Variants in HOOK3 observed in about 807,000 individuals in gnomAD.
HOOK3 encodes the protein protein Hook homolog 3.
A neutral mutation model predicts 116.3 loss-of-function variants in HOOK3; 24 were observed. The ratio of observed to expected loss-of-function variants is 0.21; its 90% CI spans 0.15 to 0.29. The LOEUF (loss-of-function observed/expected upper bound fraction) is 0.29. Ranked by LOEUF, HOOK3 falls within the 10% of genes least tolerant of loss-of-function variation. The probability of loss-of-function intolerance (pLI) is 1.00; values close to 1 mark genes in which losing one functional copy is unlikely to be tolerated. For missense variants in HOOK3, 632 were observed against 830.2 expected, an observed-to-expected ratio of 0.76 and a Z score of 2.93; for synonymous variants, 275 against 283.0, an observed-to-expected ratio of 0.97 and a Z score of 0.28.
chr8:43,026,752 A>C lies in HOOK3; in HGVS notation c.*8254A>C, dbSNP rs1339937890. The C allele has an allele frequency of 8.8e-6, 2 of 228,474 alleles. No homozygotes were observed. The highest frequency in any genetic ancestry group is 1.7e-5 in the Non-Finnish European group (2 of 114,982). 14.2% of individuals were successfully genotyped at this position (228,474 alleles called of 1,614,324 possible). ...GGAAAGCCAAGTTCTGGGAGCTGTC[A>C]AGTCGGAGGATCAGGAAAATGGTGG... is the stretch of plus-strand genomic sequence containing the variant. On this transcript the variant is annotated 3_prime_UTR_variant, in exon 22 of 22. Transcript: ENST00000307602.
chr8:42,997,694 CTTTTATT>C (rs1365828351), intron 16 of HOOK3, 57 bp downstream of exon 16: 2 of 955,502 alleles, frequency 2.1e-6, no homozygotes, highest in Non-Finnish European at 3.4e-6. Context: ...TGAGAAATAA[CTTTTATT>C]TTTTATTTGA....
At chr8:42,941,297 C>T (rs1242583614) in intron 4 of HOOK3, among the ~76,000 whole-genome samples, 1 of 148,944 alleles carries the variant, frequency 6.7e-6, no homozygotes. Context: ...GGGCGGATCA[C>T]GAGGTCAGGA....
intron 11 of HOOK3, among the ~76,000 whole-genome samples, chr8:42,971,374 C>T (rs1808725137): frequency 6.6e-6 from 1 of 152,098 alleles, no homozygotes; most frequent in African/African-American, 2.4e-5. Context: ...TCAAGCGATT[C>T]TCCTGCCTCA....
In HOOK3 at chr8:42,909,544, G is replaced by T. The variant is rs549254342; in HGVS notation, c.143+3286G>T. Among the ~76,000 whole-genome samples the T allele has an allele frequency of 3.9e-5, 6 of 152,320 alleles. No individual in the cohort carries two copies. The East Asian group carries it at 1.2e-3, about 29-fold the overall frequency. ...AGTGGATTGACCAGGGCTCACTGCAGCCTCAAACTCCCAGGCTCAGATGAT... is the reference window on the plus strand; with the variant it reads ...AGTGGATTGACCAGGGCTCACTGCATCCTCAAACTCCCAGGCTCAGATGAT... On this transcript the variant is annotated intron_variant, in intron 2 of 21. Transcript: ENST00000307602.
At chr8:42,938,785 A>G (rs1471794662) in intron 4 of HOOK3, among the ~76,000 whole-genome samples, 1 of 152,014 alleles carries the variant, frequency 6.6e-6, no homozygotes, top group Admixed American at 6.6e-5. Flanking sequence ...GCAGGGTCAC[A>G]GGACAATAGT....
rs915366823 is a variant in HOOK3 at position 43,021,525 on chromosome 8, A to G, written c.*3027A>G. 5.8e-6 allele frequency: 1 copy of G among 171,724 alleles called. No individual in the cohort carries two copies. Among genetic ancestry groups the G allele is most frequent in the Admixed American group, 6.4e-5 (1 of 15,532 alleles). The allele number at this position is 171,724 out of a possible 1,614,324, so 10.6% of individuals were successfully genotyped here. ...ACCATGTTGGCCAGGCTGGTCTCAA[A>G]CTCCTGACCTCGTGATCTACCCACC... On this transcript the variant is annotated 3_prime_UTR_variant, in exon 22 of 22. Coordinates refer to ENST00000307602, the MANE Select transcript of HOOK3 (RefSeq NM_032410.4).
intron 16 of HOOK3, chr8:42,998,032 G>A (rs1586627800): frequency 8.1e-6 from 2 of 246,948 alleles, no homozygotes; most frequent in Non-Finnish European, 1.6e-5. Flanking sequence ...AAATACTGCC[G>A]TCCCTAGTAT....
chr8:42,958,310 T>G (rs1808472251), intron 7 of HOOK3, among the ~76,000 whole-genome samples: 1 of 152,162 alleles, frequency 6.6e-6, no homozygotes, highest in African/African-American at 2.4e-5. Flanking sequence ...AACCCAAGCT[T>G]TAATTTTTTT....
intron 3 of HOOK3, among the ~76,000 whole-genome samples, chr8:42,927,517 A>G (rs1481138447): frequency 6.6e-6 from 1 of 152,098 alleles, no homozygotes; most frequent in African/African-American, 2.4e-5. Flanking sequence ...TGGCCTCCCA[A>G]AGTGCTGGGT....
At chr8:42,923,270 T>C (rs2130353569) in intron 2 of HOOK3, among the ~76,000 whole-genome samples, 1 of 152,304 alleles carries the variant, frequency 6.6e-6, no homozygotes, top group South Asian at 2.1e-4. Flanking sequence ...ATATAGCTGC[T>C]TTGGAAGAGT....
intron 2 of HOOK3, among the ~76,000 whole-genome samples, chr8:42,923,899 A>G (rs1339024260): frequency 6.6e-6 from 1 of 152,234 alleles, no homozygotes; most frequent in Non-Finnish European, 1.5e-5. Flanking sequence ...AAAAATAATC[A>G]TAACAGATTT....
intron 13 of HOOK3, among the ~76,000 whole-genome samples, chr8:42,981,972 G>A (rs970991292): frequency 6.6e-6 from 1 of 151,108 alleles, no homozygotes; most frequent in African/African-American, 2.4e-5. Context: ...TAAAAAGTAA[G>A]GCTGGGCACA....
intron 3 of HOOK3, among the ~76,000 whole-genome samples, chr8:42,927,962 C>T (rs946543009): frequency 5.9e-5 from 9 of 152,214 alleles, no homozygotes; most frequent in Middle Eastern, 3.4e-3. Flanking sequence ...GCCTGGCCAA[C>T]ATGGTGAATC....
intron 4 of HOOK3, among the ~76,000 whole-genome samples, chr8:42,930,437 C>T (rs1807851866): frequency 6.6e-6 from 1 of 152,038 alleles, no homozygotes; most frequent in South Asian, 2.1e-4. Flanking sequence ...TTAATTCTGT[C>T]TTTTTTCCTT....
chr8:42,992,539 A>G (rs937612668), intron 15 of HOOK3, among the ~76,000 whole-genome samples: 2 of 151,298 alleles, frequency 1.3e-5, no homozygotes, highest in Non-Finnish European at 2.9e-5. Context: ...AACATGGTGA[A>G]ACCCCGTCTC....
chr8:43,015,594 T>G lies in HOOK3; in HGVS notation c.2016+2194T>G, dbSNP rs79467040. The stretch of plus-strand genomic sequence containing the variant: ...GAAATAGAAAAAATAAAACTATATA[T>G]TTAAAGAAATTCTCTGGGAATTAGT... On this transcript the variant is annotated intron_variant, in intron 21 of 21. Coordinates refer to ENST00000307602, the MANE Select transcript of HOOK3 (RefSeq NM_032410.4). 3.1e-3 allele frequency among the ~76,000 whole-genome samples: 472 copies of G among 152,346 alleles called. 3 individuals are homozygous for G. Among genetic ancestry groups the G allele is most frequent in the Middle Eastern group, 6.8e-3 (2 of 294 alleles).
At chr8:42,964,584 T>A in intron 9 of HOOK3, 110 bp downstream of exon 9, 1 of 971,556 alleles carries the variant, frequency 1.0e-6, no homozygotes, top group Non-Finnish European at 1.5e-6. Context: ...CCCAGCACTT[T>A]GGGAGGCTGA....
Position 42,957,151 on chromosome 8 carries a change from C to G in HOOK3, c.526C>G (p.Arg176Gly). The G allele has an allele frequency of 6.4e-7, 1 of 1,570,428 alleles. No individual in the cohort carries two copies. Reference protein sequence around the residue: ...AGNDAYVDLDRQLKKTTEELN... With the variant: ...AGNDAYVDLDGQLKKTTEELN... ...AAATGATGCCTATGTTGACCTTGAT[C>G]GTCAGGTATATAATTTTACATTGTT... The change falls in exon 7 of 22, where the codon CGT becomes GGT. Residue 176 changes from arginine (R) to glycine (G), a missense_variant. Around this residue, in one of 3 missense-constraint regions of HOOK3, gnomAD observed 483 missense variants for 648.1 expected, o/e 0.75. Transcript: ENST00000307602.
chr8:42,980,017 G>A lies in HOOK3; in HGVS notation c.1322-2610G>A, dbSNP rs182466690. Among the ~76,000 whole-genome samples the A allele has an allele frequency of 4.8e-3, 706 of 147,576 alleles. 11 individuals carry two copies. Among genetic ancestry groups the A allele is most frequent in the African/African-American group, 0.017 (671 of 39,906 alleles). On this transcript the variant is annotated intron_variant, in intron 13 of 21. Transcript: ENST00000307602. ...TTGCTCTTTTTGCCCAGGCTGGAGC[G>A]CAATGGTGCGATCTCTGCTCACTGC...
Sources: gnomAD v4.1 joint callset for allele counts (sites outside exome capture counted in the v4.1 genomes callset) on GRCh38, gnomAD v4.1.1 for gene constraint, gnomAD v4.1.1 regional missense constraint, MANE v1.5 for transcripts, NCBI Gene and HGNC (gene_info 2026-07-23, HGNC 2026-07-21) for gene names.